Variants in VANGL1 observed in about 807,000 individuals in gnomAD.
The protein encoded by VANGL1 is vang-like protein 1.
In VANGL1, 18 loss-of-function variants were observed where a neutral mutation model predicts 48.4. That is an observed-to-expected ratio of 0.37 (90% CI 0.26 to 0.55). The LOEUF (loss-of-function observed/expected upper bound fraction) is 0.55. VANGL1 is among the 20% of genes least tolerant of loss of function. VANGL1 has a pLI of 0.81. For missense variants in VANGL1, 667 were observed against 675.8 expected, an observed-to-expected ratio of 0.99 and a Z score of 0.14; for synonymous variants, 257 against 261.8, an observed-to-expected ratio of 0.98 and a Z score of 0.18.
At chr1:115,674,098 T>C (rs61800300) in intron 4 of VANGL1, among the ~76,000 whole-genome samples, 2 of 152,312 alleles carry the variant, frequency 1.3e-5, no homozygotes, top group Admixed American at 1.3e-4. Flanking sequence ...CTATTGTGGA[T>C]GTTTGGGAGG....
intron 7 of VANGL1, among the ~76,000 whole-genome samples, chr1:115,685,805 G>A (rs1251365442): frequency 2.0e-5 from 3 of 152,000 alleles, no homozygotes; most frequent in Non-Finnish European, 4.4e-5. Context: ...AGTGATTAGG[G>A]GTGCATTGTG....
At position 115,692,969 on chromosome 1, in the gene VANGL1, A is replaced by G. The variant is rs1653900122; in HGVS notation, c.*1590A>G. The G allele has an allele frequency of 6.6e-6, 1 of 152,188 alleles. No homozygotes were observed. Among genetic ancestry groups the G allele is most frequent in the Non-Finnish European group, 1.5e-5 (1 of 68,042 alleles). The allele number at this position is 152,188 out of a possible 1,614,324, so 9.4% of individuals were successfully genotyped here. A position where few individuals can be genotyped will look rare whatever the true frequency, so the allele number is the denominator to read the frequency against. Reference sequence around the variant, plus strand: ...TCCCTTACTGCTTCATACACTCCACAAGTGGTACAGTATTTTGTGTCATTG... The same window carrying G: ...TCCCTTACTGCTTCATACACTCCACGAGTGGTACAGTATTTTGTGTCATTG... On this transcript the variant is annotated 3_prime_UTR_variant, in exon 8 of 8. Transcript: ENST00000355485.
intron 4 of VANGL1, among the ~76,000 whole-genome samples, chr1:115,675,642 A>G (rs1373841924): frequency 6.6e-6 from 1 of 152,020 alleles, no homozygotes; most frequent in Non-Finnish European, 1.5e-5. Flanking sequence ...TCCACTAAAA[A>G]TCAGCCAGGC....
chr1:115,651,780 G>A (rs1380857888), intron 2 of VANGL1, among the ~76,000 whole-genome samples: 4 of 149,732 alleles, frequency 2.7e-5, no homozygotes, highest in Non-Finnish European at 4.4e-5. Flanking sequence ...TTTTTGAGAC[G>A]GAGTCTCGTT....
intron 3 of VANGL1, 147 bp downstream of exon 3, chr1:115,659,920 C>T (rs1652484334): frequency 2.6e-6 from 3 of 1,158,202 alleles, no homozygotes; most frequent in Admixed American, 4.0e-5. Flanking sequence ...TCTTGTTGGT[C>T]TAAGGACAGC....
rs1004254497 is a variant in VANGL1 at position 115,694,069 on chromosome 1, A to G, written c.*2690A>G. The G allele has an allele frequency of 6.6e-6, 1 of 152,248 alleles. No homozygotes were observed. 9.4% of individuals were successfully genotyped at this position (152,248 alleles called of 1,614,324 possible). A position where few individuals can be genotyped will look rare whatever the true frequency, so the allele number is the denominator to read the frequency against. ...ACTGGTAGATAATTTGTTCTTAAAT[A>G]TGTACTTTTGAAGATAGGACAGTTT... On this transcript the variant is annotated 3_prime_UTR_variant, in exon 8 of 8. Coordinates refer to ENST00000355485, the MANE Select transcript of VANGL1 (RefSeq NM_138959.3).
In VANGL1 at chr1:115,661,676, G is replaced by A. The variant is rs10157540; in HGVS notation, c.204+1903G>A. 9.3e-3 allele frequency among the ~76,000 whole-genome samples: 1,418 copies of A among 152,000 alleles called. 20 individuals carry two copies. Among genetic ancestry groups the A allele is most frequent in the African/African-American group, 0.033 (1,355 of 41,440 alleles). ...TCTGTCGCCCAGGCTGGAGTGCAGC[G>A]GCATGATATCACCTCACTGCAGCCT... is the stretch of plus-strand genomic sequence containing the variant. On this transcript the variant is annotated intron_variant, in intron 3 of 7. Coordinates refer to ENST00000355485, the MANE Select transcript of VANGL1 (RefSeq NM_138959.3).
At chr1:115,663,595 C>G in intron 3 of VANGL1, 66 bp from the exon 4 acceptor site, 1 of 1,611,588 alleles carries the variant, frequency 6.2e-7, no homozygotes, top group East Asian at 2.2e-5. Context: ...CCTGCATGTT[C>G]ACTGCCCTTT....
chr1:115,682,650 A>C (rs1378737674), intron 5 of VANGL1, among the ~76,000 whole-genome samples, 153 bp downstream of exon 5: 1 of 152,190 alleles, frequency 6.6e-6, no homozygotes, highest in Non-Finnish European at 1.5e-5. Context: ...ATGTAGGCAG[A>C]CACATGTTTA....
chr1:115,685,544 G>A lies in VANGL1; in HGVS notation c.1314+17G>A, dbSNP rs370346898. 2.6e-5 allele frequency: 42 copies of A among 1,612,542 alleles called. No homozygotes were observed. Among genetic ancestry groups the A allele is most frequent in the African/African-American group, 1.1e-4 (8 of 75,008 alleles). On this transcript the variant is annotated intron_variant, in intron 7 of 7. Coordinates refer to ENST00000355485, the MANE Select transcript of VANGL1 (RefSeq NM_138959.3). ...ACCCCCAAGGTGCGCTGCTCCGGGCGGGCTCTGCCACCGTCATCCTGGCTT... is the reference window on the plus strand; with the variant it reads ...ACCCCCAAGGTGCGCTGCTCCGGGCAGGCTCTGCCACCGTCATCCTGGCTT...
chr1:115,663,544 C>T (rs1285792048), intron 3 of VANGL1, 117 bp from the exon 4 acceptor site: 2 of 1,396,160 alleles, frequency 1.4e-6, no homozygotes, highest in East Asian at 2.4e-5. Flanking sequence ...CTTTCATTTT[C>T]TGGAAGCCTT....
At chr1:115,688,105 A>G (rs1343026251) in intron 7 of VANGL1, among the ~76,000 whole-genome samples, 1 of 138,016 alleles carries the variant, frequency 7.2e-6, no homozygotes, top group African/African-American at 2.7e-5. Context: ...TACAATGTAT[A>G]TTATCTTTCT....
intron 7 of VANGL1, 152 bp downstream of exon 7, chr1:115,685,679 T>A: frequency 1.1e-6 from 1 of 897,476 alleles, no homozygotes; most frequent in African/African-American, 1.7e-5. Flanking sequence ...TTATTTTATG[T>A]TATGTTAGTA....
At chr1:115,657,621 T>G (rs1394483009) in intron 2 of VANGL1, among the ~76,000 whole-genome samples, 1 of 152,218 alleles carries the variant, frequency 6.6e-6, no homozygotes, top group East Asian at 1.9e-4. Flanking sequence ...TTTGGCTGTT[T>G]CCCTAGCTGC....
rs539706381 is a variant in VANGL1, at chr1:115,695,320, C to A, written c.*3941C>A. On this transcript the variant is annotated 3_prime_UTR_variant, in exon 8 of 8. Transcript: ENST00000355485. The stretch of plus-strand genomic sequence containing the variant: ...ATTTAAATAGTCCTGCAGCAGAGAC[C>A]CTGCGATTGTAAAGTGATTTAAGTA... 1 of 152,414 alleles carries A rather than the reference C, an allele frequency of 6.6e-6. No homozygotes were observed. Among genetic ancestry groups the A allele is most frequent in the African/African-American group, 2.4e-5 (1 of 41,348 alleles). The allele number at this position is 152,414 out of a possible 1,614,324, so 9.4% of individuals were successfully genotyped here.
intron 4 of VANGL1, among the ~76,000 whole-genome samples, chr1:115,682,030 T>C (rs1258420815): frequency 3.3e-5 from 5 of 152,264 alleles, no homozygotes; most frequent in Non-Finnish European, 7.3e-5. Context: ...GTTTCTTCTT[T>C]TGTAAACCGA....
intron 4 of VANGL1, among the ~76,000 whole-genome samples, chr1:115,677,264 C>T (rs372311831): frequency 1.3e-5 from 2 of 152,348 alleles, no homozygotes; most frequent in East Asian, 3.9e-4. Context: ...AGCCCAAGGG[C>T]AAGCCCCTCT....
At chr1:115,656,069 C>G (rs753571141) in intron 2 of VANGL1, among the ~76,000 whole-genome samples, 1 of 152,158 alleles carries the variant, frequency 6.6e-6, no homozygotes, top group African/African-American at 2.4e-5. Context: ...GGTAGCATGA[C>G]CAGTACCTGG....
At position 115,695,837 on chromosome 1, in the gene VANGL1, G is replaced by A. The variant is rs1442390866; in HGVS notation, c.*4458G>A. ...CTAACCCCTCAGTCCACTGTACCTT[G>A]AAGTATGGTCTAAATGATTCGGCAC... is the stretch of plus-strand genomic sequence containing the variant. On this transcript the variant is annotated 3_prime_UTR_variant, in exon 8 of 8. Coordinates refer to ENST00000355485, the MANE Select transcript of VANGL1 (RefSeq NM_138959.3). 1 of 152,158 alleles carries A rather than the reference G, an allele frequency of 6.6e-6. No homozygotes were observed. Among genetic ancestry groups the A allele is most frequent in the Non-Finnish European group, 1.5e-5 (1 of 68,040 alleles). The allele number at this position is 152,158 out of a possible 1,614,324, so 9.4% of individuals were successfully genotyped here.
Sources: gnomAD v4.1 joint callset for allele counts (sites outside exome capture counted in the v4.1 genomes callset) on GRCh38, gnomAD v4.1.1 for gene constraint, MANE v1.5 for transcripts, NCBI Gene and HGNC (gene_info 2026-07-23, HGNC 2026-07-21) for gene names.